POM121C: variants seen among roughly 807,000 people sequenced by gnomAD.
The protein encoded by POM121C is POM121 transmembrane nucleoporin C, also known as nuclear envelope pore membrane protein POM 121C.
In POM121C, 20 loss-of-function variants were observed where a neutral mutation model predicts 66.4. The observed-to-expected ratio is 0.30, with a 90% CI of 0.21 to 0.44. The LOEUF (loss-of-function observed/expected upper bound fraction) is 0.44, where lower values mean the gene tolerates loss of function less well. POM121C is among the 20% of genes least tolerant of loss of function. POM121C has a pLI of 1.00. For missense variants in POM121C, 580 were observed against 1,225.7 expected, an observed-to-expected ratio of 0.47 and a Z score of 7.87; for synonymous variants, 286 against 528.0, an observed-to-expected ratio of 0.54 and a Z score of 6.28.
At chr7:75,420,021 TCTTC>T (rs1257871425) in intron 13 of POM121C, 1 of 153,102 alleles carries the variant, frequency 6.5e-6, no homozygotes, top group Non-Finnish European at 1.5e-5. Flanking sequence ...ACACAGTTTC[TCTTC>T]CTTCCCTAAA....
chr7:75,485,220 A>G (rs1792476745), intron 1 of POM121C, among the ~76,000 whole-genome samples: 1 of 152,168 alleles, frequency 6.6e-6, no homozygotes, highest in Non-Finnish European at 1.5e-5. Context: ...GCTCTCAGAA[A>G]TGAAATGAAT....
At chr7:75,430,448 T>G (rs1554472201) in intron 7 of POM121C, among the ~76,000 whole-genome samples, 1 of 152,166 alleles carries the variant, frequency 6.6e-6, no homozygotes, top group East Asian at 1.9e-4. Context: ...AATGGGTATT[T>G]CTATAGTAAA....
intron 1 of POM121C, among the ~76,000 whole-genome samples, chr7:75,477,880 A>G (rs1335559293): frequency 2.0e-5 from 3 of 152,244 alleles, no homozygotes; most frequent in Non-Finnish European, 4.4e-5. Context: ...GAAACAGCAC[A>G]CACCAAAGAA....
chr7:75,479,671 A>T (rs1792237661), intron 1 of POM121C, among the ~76,000 whole-genome samples: 1 of 150,556 alleles, frequency 6.6e-6, no homozygotes, highest in Non-Finnish European at 1.5e-5. Flanking sequence ...ATTAACAACA[A>T]CGTAATAGAT....
rs587712382 is a variant in POM121C, at chr7:75,479,505, ACCC to A, written c.-457-4320_-457-4318del. Among the ~76,000 whole-genome samples the A allele has an allele frequency of 3.5e-3, 526 of 148,478 alleles. 13 individuals carry two copies. The East Asian group carries it at 0.038, about 11-fold the overall frequency. Reference sequence around the variant, plus strand: ...ATGGTGGGTGTCTGTAATCCCAGCTACCCAGGAGGCTGAGGCAGGAGAATCACT... The same window carrying A: ...ATGGTGGGTGTCTGTAATCCCAGCTAAGGAGGCTGAGGCAGGAGAATCACT... On this transcript the variant is annotated intron_variant, in intron 1 of 14. Transcript: ENST00000615331.
Position 75,418,769 on chromosome 7 carries a change from G to T in POM121C, c.*27C>A, listed in dbSNP as rs587685002. 13 of 1,568,016 alleles carry T rather than the reference G, an allele frequency of 8.3e-6. No individual in the cohort carries two copies. The highest frequency in any genetic ancestry group is 6.7e-5 in the East Asian group (3 of 44,480). On this transcript the variant is annotated 3_prime_UTR_variant, in exon 15 of 15. Coordinates refer to ENST00000615331, the MANE Select transcript of POM121C (RefSeq NM_001099415.3). ...CAAGGTCCAGATTTAGGGAAGGGGT[G>T]GGGGGAACAGGGACAGGGGACAAAG...
intron 3 of POM121C, among the ~76,000 whole-genome samples, chr7:75,467,145 A>G (rs1279868006): frequency 6.6e-6 from 1 of 152,216 alleles, no homozygotes; most frequent in African/African-American, 2.4e-5. Context: ...TTGCTTGGCC[A>G]GTTTTAGAAA....
chr7:75,438,529 T>TC (rs1416358262), intron 6 of POM121C, among the ~76,000 whole-genome samples: 1 of 152,194 alleles, frequency 6.6e-6, no homozygotes, highest in Non-Finnish European at 1.5e-5. Flanking sequence ...CTTCGTTGCT[T>TC]CACTGGGAAT....
In POM121C at chr7:75,486,239, A is replaced by C; in HGVS notation, c.-833T>G. 3.6e-6 allele frequency: 1 copy of C among 281,536 alleles called. No homozygotes were observed. The highest frequency in any genetic ancestry group is 6.9e-6 in the Non-Finnish European group (1 of 144,694). 17.4% of individuals were successfully genotyped at this position (281,536 alleles called of 1,614,324 possible). On this transcript the variant is annotated 5_prime_UTR_variant, in exon 1 of 15. Coordinates refer to ENST00000615331, the MANE Select transcript of POM121C (RefSeq NM_001099415.3). ...GACTCGGTGATTCTCGTCCACTAGA[A>C]GCCAAAGCCTGGGAACGAGAGCAAG...
intron 3 of POM121C, among the ~76,000 whole-genome samples, chr7:75,473,502 G>C (rs1791948730): frequency 1.3e-5 from 2 of 152,078 alleles, no homozygotes; most frequent in African/African-American, 2.4e-5. Flanking sequence ...AGAGGGGAAA[G>C]CTGAGGGAGC....
At chr7:75,465,583 T>C (rs1231519654) in intron 3 of POM121C, among the ~76,000 whole-genome samples, 1 of 151,154 alleles carries the variant, frequency 6.6e-6, no homozygotes, top group African/African-American at 2.4e-5. Flanking sequence ...TGAAACCCCG[T>C]CTCTACTGAA....
intron 3 of POM121C, among the ~76,000 whole-genome samples, chr7:75,463,347 AAAAT>A (rs1291338565): frequency 6.6e-6 from 1 of 152,042 alleles, no homozygotes; most frequent in Non-Finnish European, 1.5e-5. Flanking sequence ...CCACCTCAAA[AAAAT>A]AAATAAAAAG....
intron 12 of POM121C, among the ~76,000 whole-genome samples, chr7:75,423,538 G>C: frequency 6.6e-6 from 1 of 150,562 alleles, no homozygotes; most frequent in Non-Finnish European, 1.5e-5. Flanking sequence ...CAGGCGCTAA[G>C]AGCACACAAC....
chr7:75,421,301 A>T, intron 13 of POM121C: 2 of 1,314,238 alleles, frequency 1.5e-6, no homozygotes, highest in Non-Finnish European at 2.0e-6. Context: ...TTAAGTACTC[A>T]GAAGGCCTTT....
chr7:75,433,395 G>A (rs1210067044), intron 7 of POM121C, among the ~76,000 whole-genome samples: 5 of 150,998 alleles, frequency 3.3e-5, no homozygotes, highest in South Asian at 2.1e-4. Context: ...TCGCTCTGTC[G>A]CCCAGGCTGG....
chr7:75,433,159 C>T (rs1223563946), intron 7 of POM121C, among the ~76,000 whole-genome samples: 2 of 135,542 alleles, frequency 1.5e-5, no homozygotes, highest in African/African-American at 5.2e-5. Flanking sequence ...CGCTTGAACC[C>T]AGGAGGCGGA....
chr7:75,460,956 A>G (rs1400262637), intron 3 of POM121C, among the ~76,000 whole-genome samples: 5 of 152,004 alleles, frequency 3.3e-5, no homozygotes, highest in Non-Finnish European at 7.3e-5. Flanking sequence ...CCTCTGCCCC[A>G]CCCCATTTAA....
At chr7:75,479,379 GC>G (rs1792218087) in intron 1 of POM121C, among the ~76,000 whole-genome samples, 1 of 152,124 alleles carries the variant, frequency 6.6e-6, no homozygotes, top group African/African-American at 2.4e-5. Context: ...ACTTTGGGCG[GC>G]TGAGGCAGAT....
At position 75,421,835 on chromosome 7, in the gene POM121C, G is replaced by A. The variant is rs1251718107; in HGVS notation, c.2417C>T (p.Ala806Val). The change falls in exon 13 of 15, where the codon GCC (alanine) becomes GTC (valine). Residue 806 changes from alanine (A) to valine (V), a missense_variant. By Grantham distance (64) the Ala-to-Val change is moderately conservative (BLOSUM62 0). Transcript: ENST00000615331. ...GSTAVFSFGA[A>V]TSSGFGATTQ... Reference sequence around the variant, plus strand: ...GGTGGCTCCAAAGCCGGAGCTGGTGGCTGCACCGAAGGAGAAGACAGCAGT... The same window carrying A: ...GGTGGCTCCAAAGCCGGAGCTGGTGACTGCACCGAAGGAGAAGACAGCAGT... The A allele has an allele frequency of 9.3e-6, 15 of 1,610,060 alleles. No homozygotes were observed. The highest frequency in any genetic ancestry group is 1.3e-5 in the Non-Finnish European group (15 of 1,179,022).
Sources: gnomAD v4.1 joint callset for allele counts (sites outside exome capture counted in the v4.1 genomes callset) on GRCh38, gnomAD v4.1.1 for gene constraint, MANE v1.5 for transcripts, NCBI Gene and HGNC (gene_info 2026-07-23, HGNC 2026-07-21) for gene names.